The following FNDC1 variants were observed in gnomAD, a reference collection of about 807,000 sequenced individuals.
FNDC1 encodes fibronectin type III domain containing 1.
Under a neutral mutation model 168.0 loss-of-function variants are expected in FNDC1, and 96 were observed. That is an observed-to-expected ratio of 0.57 (90% CI 0.48 to 0.68). The LOEUF is 0.68. Among genes scored for constraint, FNDC1 ranks in the 30% least tolerant of loss-of-function variants. FNDC1 has a pLI of 0.00. For synonymous variants in FNDC1, 1,099 were observed against 1,025.9 expected (o/e 1.07, Z -1.36); for missense variants, 2,587 against 2,482.1 (o/e 1.04, Z -0.90).
intron 16 of FNDC1, among the ~76,000 whole-genome samples, chr6:159,250,610 C>T (rs544633576): frequency 1.3e-5 from 2 of 152,294 alleles, no homozygotes; most frequent in South Asian, 2.1e-4. Context: ...TGGGTACTCT[C>T]AGCGTTGGCA....
At position 159,234,134 on chromosome 6, in the gene FNDC1, A is replaced by G. The variant is rs1370718556; in HGVS notation, c.3622A>G (p.Thr1208Ala). The change falls in exon 11 of 23, where the codon ACT (threonine) becomes GCT (alanine). Residue 1208 changes from threonine (T) to alanine (A), a missense_variant. Transcript: ENST00000297267. ...SSVPKWPSSS[T>A]PRGGKDADGS... ...TGTGCCAAAGTGGCCCTCTTCCTCC[A>G]CTCCCAGGGGCGGCAAAGACGCCGA... 13 of 1,601,398 alleles carry G rather than the reference A, an allele frequency of 8.1e-6. No individual in the cohort carries two copies. The highest frequency in any genetic ancestry group is 1.1e-5 in the Non-Finnish European group (13 of 1,174,120).
intron 19 of FNDC1, among the ~76,000 whole-genome samples, chr6:159,264,019 A>T (rs554775269): frequency 6.6e-6 from 1 of 152,330 alleles, no homozygotes; most frequent in Admixed American, 6.5e-5. Flanking sequence ...AGCTAGTGTC[A>T]TATTCTCTTA....
At chr6:159,220,667 A>C (rs1358117863) in intron 5 of FNDC1, among the ~76,000 whole-genome samples, 1 of 152,242 alleles carries the variant, frequency 6.6e-6, no homozygotes, top group African/African-American at 2.4e-5. Context: ...AGTAATTGAG[A>C]GGACAAGTTT....
chr6:159,216,118 C>T (rs1763733253), intron 5 of FNDC1, among the ~76,000 whole-genome samples: 1 of 152,156 alleles, frequency 6.6e-6, no homozygotes, highest in Non-Finnish European at 1.5e-5. Flanking sequence ...CGTGCCACCA[C>T]ACCCAGCTGA....
In FNDC1 at chr6:159,232,232, C is replaced by A. The variant is rs1783102730; in HGVS notation, c.1720C>A (p.His574Asn). ...RTLRPPSRHG[H>N]SVVAPGRTAV... ...CCTGAGGCCGCCAAGTAGACACGGC[C>A]ACTCGGTGGTTGCTCCCGGCAGGAC... Residue 574 changes from histidine (H) to asparagine (N), a missense_variant, in exon 11 of 23, where the codon CAC becomes AAC. Transcript: ENST00000297267. The surrounding 1 kb of genome is among the most constrained non-coding windows in gnomAD (Gnocchi z 4.9). The A allele has an allele frequency of 6.2e-7, 1 of 1,612,480 alleles. No individual in the cohort carries two copies. Among genetic ancestry groups the A allele is most frequent in the African/African-American group, 1.3e-5 (1 of 74,890 alleles).
chr6:159,267,251 A>G (rs1016886592), intron 21 of FNDC1, among the ~76,000 whole-genome samples: 3 of 151,744 alleles, frequency 2.0e-5, no homozygotes, highest in Non-Finnish European at 2.9e-5. Flanking sequence ...TTTCTCTTCC[A>G]TCACTGTCCT....
chr6:159,227,835 A>G (rs1015025208), intron 9 of FNDC1, among the ~76,000 whole-genome samples: 7 of 152,180 alleles, frequency 4.6e-5, no homozygotes, highest in Non-Finnish European at 1.0e-4. Flanking sequence ...AGGTCCATGC[A>G]TTAGTCTCAT....
At position 159,246,528 on chromosome 6, in the gene FNDC1, G is replaced by A. The variant is rs574968259; in HGVS notation, c.4622-373G>A. 3.3e-5 allele frequency among the ~76,000 whole-genome samples: 5 copies of A among 152,346 alleles called. No homozygotes were observed. In the East Asian group the frequency reaches 9.6e-4, roughly 29 times the overall value. On this transcript the variant is annotated intron_variant, in intron 14 of 22. Coordinates refer to ENST00000297267, the MANE Select transcript of FNDC1 (RefSeq NM_032532.3). ...CTGCTTCCTGAGAGCGCCTGCTGTGGCATGAGGGGCCAGGGGCCTTCCCTC... is the reference window on the plus strand; with the variant it reads ...CTGCTTCCTGAGAGCGCCTGCTGTGACATGAGGGGCCAGGGGCCTTCCCTC...
chr6:159,222,291 A>G (rs572479890), intron 6 of FNDC1, among the ~76,000 whole-genome samples: 38 of 152,290 alleles, frequency 2.5e-4, no homozygotes, highest in African/African-American at 9.1e-4. Flanking sequence ...CAACATAATT[A>G]TTTTCATGAG....
At chr6:159,185,647 G>A (rs957376692) in intron 1 of FNDC1, among the ~76,000 whole-genome samples, 2 of 152,110 alleles carry the variant, frequency 1.3e-5, no homozygotes, top group African/African-American at 2.4e-5. Flanking sequence ...GTATCATGTT[G>A]ACATCCCAAG....
intron 1 of FNDC1, among the ~76,000 whole-genome samples, chr6:159,190,607 G>A (rs780480079): frequency 5.9e-5 from 9 of 152,214 alleles, no homozygotes; most frequent in Non-Finnish European, 1.0e-4. Flanking sequence ...CGAGGAGGTA[G>A]GAAGCACAAT....
chr6:159,266,416 G>A (rs1349245757), intron 21 of FNDC1, among the ~76,000 whole-genome samples, 171 bp downstream of exon 21: 1 of 152,104 alleles, frequency 6.6e-6, no homozygotes, highest in Non-Finnish European at 1.5e-5. Context: ...GAGGATACTA[G>A]TTTTTACACT....
At chr6:159,266,366 C>A in intron 21 of FNDC1, 121 bp downstream of exon 21, 1 of 1,051,534 alleles carries the variant, frequency 9.5e-7, no homozygotes, top group Non-Finnish European at 1.4e-6. Flanking sequence ...CTATGGCTCA[C>A]TCTGCCTCTA....
intron 1 of FNDC1, among the ~76,000 whole-genome samples, chr6:159,179,623 G>A (rs563760619): frequency 1.1e-4 from 17 of 151,986 alleles, no homozygotes; most frequent in Non-Finnish European, 1.8e-4. Flanking sequence ...TTTGCTCCAC[G>A]CCCTCATCAA....
chr6:159,234,022 G>T lies in FNDC1; in HGVS notation c.3510G>T (p.Lys1170Asn). The T allele has an allele frequency of 1.2e-6, 2 of 1,610,608 alleles. No individual in the cohort carries two copies. The highest frequency in any genetic ancestry group is 1.7e-6 in the Non-Finnish European group (2 of 1,178,904). ...CTTCCAAGCGGCCCCTGTCCTCCAAGTCCCAGCAGTCGGTCTCAGCCGAGG... is the reference window on the plus strand; with the variant it reads ...CTTCCAAGCGGCCCCTGTCCTCCAATTCCCAGCAGTCGGTCTCAGCCGAGG... ...EPPSKRPLSS[K>N]SQQSVSAEDD... Residue 1170 changes from lysine (K) to asparagine (N), a missense_variant, in exon 11 of 23, where the codon AAG (lysine) becomes AAT (asparagine). By Grantham distance (94) the Lys-to-Asn change is moderately conservative. Transcript: ENST00000297267.
At chr6:159,253,092 T>A (rs1034873576) in intron 17 of FNDC1, among the ~76,000 whole-genome samples, 3 of 152,220 alleles carry the variant, frequency 2.0e-5, no homozygotes, top group Non-Finnish European at 4.4e-5. Context: ...AGAGCCTTCA[T>A]GTCCTCACAT....
At position 159,233,689 on chromosome 6, in the gene FNDC1, C is replaced by T; in HGVS notation, c.3177C>T (p.Ser1059=). 1 of 1,549,664 alleles carries T rather than the reference C, an allele frequency of 6.5e-7. No individual in the cohort carries two copies. The highest frequency in any genetic ancestry group is 8.7e-7 in the Non-Finnish European group (1 of 1,147,052). Residue 1059 remains serine, a synonymous_variant, in exon 11 of 23, where the codon AGC becomes AGT. Transcript: ENST00000297267. This position sits in a 1 kb window ranked among gnomAD's most constrained non-coding sequence, Gnocchi z 4.6. ...SHSSSDPYTA[S]SRGMLPTALQ... ...CCTCCTCGGACCCTTACACGGCGAG[C>T]TCCAGAGGGATGCTCCCCACGGCCC...
chr6:159,258,089 G>A (rs1270203403), intron 18 of FNDC1, among the ~76,000 whole-genome samples: 1 of 152,096 alleles, frequency 6.6e-6, no homozygotes, highest in South Asian at 2.1e-4. Flanking sequence ...CCAGACTGAT[G>A]TTGAGTTTTG....
chr6:159,197,487 A>G lies in FNDC1; in HGVS notation c.166A>G (p.Lys56Glu). The change falls in exon 2 of 23, where the codon AAA (lysine) becomes GAA (glutamate). Residue 56 changes from lysine (K) to glutamate (E), a missense_variant. By Grantham distance (56) the Lys-to-Glu change is moderately conservative. Transcript: ENST00000297267. The stretch of plus-strand genomic sequence containing the variant: ...ACTGCTGTCCACTAAAATGGGCCTG[A>G]AAGTCACGTGGGACCCACCCAAAGA... Reference protein sequence around the residue: ...VKLLSTKMGLKVTWDPPKDAT... With the variant: ...VKLLSTKMGLEVTWDPPKDAT... The G allele has an allele frequency of 6.2e-7, 1 of 1,613,960 alleles. No homozygotes were observed. Among genetic ancestry groups the G allele is most frequent in the Non-Finnish European group, 8.5e-7 (1 of 1,179,860 alleles).
Sources: allele counts gnomAD v4.1 joint callset (sites outside exome capture counted in the v4.1 genomes callset), GRCh38; gene constraint gnomAD v4.1.1; non-coding constraint Gnocchi (gnomAD v3.1); transcripts MANE v1.5; gene names NCBI Gene and HGNC (gene_info 2026-07-23, HGNC 2026-07-21).